CADM1: variants seen among roughly 807,000 people sequenced by gnomAD.
CADM1 encodes cell adhesion molecule 1, also known as TSLC-1.
A neutral mutation model predicts 53.1 loss-of-function variants in CADM1; 15 were observed. That is an observed-to-expected ratio of 0.28 (90% CI 0.19 to 0.44). The LOEUF (loss-of-function observed/expected upper bound fraction) is 0.44. Ranked by LOEUF, CADM1 falls within the 20% of genes least tolerant of loss-of-function variation. The probability of loss-of-function intolerance (pLI) is 1.00; values close to 1 mark genes in which losing one functional copy is unlikely to be tolerated. For synonymous variants in CADM1, 281 were observed against 243.0 expected (o/e 1.16, Z -1.45); for missense variants, 434 against 611.3 (o/e 0.71, Z 3.06).
chr11:115,367,977 A>G (rs989073910), intron 1 of CADM1, among the ~76,000 whole-genome samples: 6 of 152,022 alleles, frequency 3.9e-5, no homozygotes, highest in Non-Finnish European at 8.8e-5. Context: ...TCCTTCATTT[A>G]GTTGTAGGCA....
chr11:115,345,719 T>C (rs1375211605), intron 1 of CADM1, among the ~76,000 whole-genome samples: 1 of 152,162 alleles, frequency 6.6e-6, no homozygotes, highest in Non-Finnish European at 1.5e-5. Flanking sequence ...ATTTGTTTTC[T>C]GAGAAGCACT....
chr11:115,175,425 A>G lies in CADM1; in HGVS notation c.*1049T>C, dbSNP rs761316780. The G allele has an allele frequency of 5.4e-5, 53 of 985,570 alleles. No homozygotes were observed. The highest frequency in any genetic ancestry group is 4.3e-4 in the Admixed American group (7 of 16,258). 61.1% of individuals were successfully genotyped at this position (985,570 alleles called of 1,614,324 possible). ...TCCCATTCAGTCATTCGCACAACAG[A>G]CGAACTTGCTTTTTCCTACAAATTA... On this transcript the variant is annotated 3_prime_UTR_variant, in exon 12 of 12. Coordinates refer to ENST00000331581, the MANE Select transcript of CADM1 (RefSeq NM_001301043.2).
intron 1 of CADM1, among the ~76,000 whole-genome samples, chr11:115,396,500 A>C (rs895622206): frequency 2.6e-5 from 4 of 152,172 alleles, no homozygotes; most frequent in African/African-American, 9.7e-5. Context: ...TCAACAAGTC[A>C]CCACTTAACT....
chr11:115,303,064 T>C (rs1421912128), intron 1 of CADM1, among the ~76,000 whole-genome samples: 2 of 152,092 alleles, frequency 1.3e-5, no homozygotes, highest in Non-Finnish European at 2.9e-5. Context: ...TGGGCTGGAT[T>C]CTACCTCATC....
At chr11:115,350,343 G>A (rs544030500) in intron 1 of CADM1, among the ~76,000 whole-genome samples, 6 of 152,272 alleles carry the variant, frequency 3.9e-5, no homozygotes, top group Admixed American at 3.9e-4. Context: ...TTGGTCAAAA[G>A]GGTGATTCAG....
intron 1 of CADM1, among the ~76,000 whole-genome samples, chr11:115,388,962 T>G (rs1335185608): frequency 6.6e-6 from 1 of 152,166 alleles, no homozygotes; most frequent in Non-Finnish European, 1.5e-5. Flanking sequence ...ATGTCAATGT[T>G]AAATTTCCTG....
intron 1 of CADM1, chr11:115,399,640 T>C (rs943702092): frequency 5.9e-5 from 9 of 152,194 alleles, no homozygotes; most frequent in African/African-American, 2.2e-4. Context: ...CACCATAGTA[T>C]AAAAAGAGCT....
At chr11:115,332,023 A>G (rs1945143575) in intron 1 of CADM1, among the ~76,000 whole-genome samples, 1 of 152,142 alleles carries the variant, frequency 6.6e-6, no homozygotes, top group South Asian at 2.1e-4. Flanking sequence ...CAGGTGCCTG[A>G]GCGTAACAGT....
At chr11:115,364,566 A>AAAT (rs1946110570) in intron 1 of CADM1, among the ~76,000 whole-genome samples, 1 of 150,842 alleles carries the variant, frequency 6.6e-6, no homozygotes. Context: ...GAAAAAAAAA[A>AAAT]GCCTTTTTGT....
At chr11:115,319,964 T>C (rs1038645624) in intron 1 of CADM1, among the ~76,000 whole-genome samples, 5 of 152,214 alleles carry the variant, frequency 3.3e-5, no homozygotes, top group African/African-American at 1.2e-4. Flanking sequence ...AGTGTATTTT[T>C]ATTAAACAGA....
Position 115,174,906 on chromosome 11 carries a change from CT to C in CADM1, c.*1567del. On this transcript the variant is annotated 3_prime_UTR_variant, in exon 12 of 12. Transcript: ENST00000331581. ...CGTTTCAGTGAAAATCCCCACACTT[CT>C]TTCTTTAAAACATGTAAATGGTAAC... 1 of 985,724 alleles carries C rather than the reference CT, an allele frequency of 1.0e-6. No homozygotes were observed. Among genetic ancestry groups the C allele is most frequent in the Non-Finnish European group, 1.2e-6 (1 of 829,884 alleles). The allele number at this position is 985,724 out of a possible 1,614,324, so 61.1% of individuals were successfully genotyped here. A position where few individuals can be genotyped will look rare whatever the true frequency, so the allele number is the denominator to read the frequency against.
intron 1 of CADM1, among the ~76,000 whole-genome samples, chr11:115,489,518 T>C (rs745733623): frequency 6.6e-5 from 10 of 152,218 alleles, no homozygotes; most frequent in Non-Finnish European, 1.5e-4. Context: ...TGACAGAAGT[T>C]GAAAGGAAAA....
In CADM1 at chr11:115,490,294, CTA is replaced by C. The variant is rs373615039; in HGVS notation, c.124+13975_124+13976del. On this transcript the variant is annotated intron_variant, in intron 1 of 11. Transcript: ENST00000331581. ...AGATGATAACAAAGGAGGGAATTCT[CTA>C]TGAGGACTCCCAGGTTTATTTAACT... Among the ~76,000 whole-genome samples the C allele has an allele frequency of 2.2e-4, 33 of 151,352 alleles. No homozygotes were observed. In the East Asian group the frequency reaches 6.2e-3, roughly 29 times the overall value.
intron 1 of CADM1, among the ~76,000 whole-genome samples, chr11:115,350,901 T>C (rs1945716403): frequency 6.6e-6 from 1 of 150,864 alleles, no homozygotes; most frequent in African/African-American, 2.4e-5. Flanking sequence ...ATTATTTCAC[T>C]TGCCGCATTC....
Position 115,172,635 on chromosome 11 carries a change from G to A in CADM1, c.*3839C>T, listed in dbSNP as rs45486791. On this transcript the variant is annotated 3_prime_UTR_variant, in exon 12 of 12. Transcript: ENST00000331581. ...CAAGTTTTCAGGTGATGTAACTGAT[G>A]CTCTACTTGGCCTCCAGAGACCGCC... 7.1e-3 allele frequency: 1,073 copies of A among 151,408 alleles called. 8 individuals carry two copies. The highest frequency in any genetic ancestry group is 9.8e-3 in the Non-Finnish European group (665 of 68,052). The allele number at this position is 151,408 out of a possible 1,614,324, so 9.4% of individuals were successfully genotyped here. A position where few individuals can be genotyped will look rare whatever the true frequency, so the allele number is the denominator to read the frequency against.
chr11:115,486,696 A>C (rs1020022956), intron 1 of CADM1, among the ~76,000 whole-genome samples: 2 of 152,092 alleles, frequency 1.3e-5, no homozygotes, highest in African/African-American at 4.8e-5. Flanking sequence ...TCTGGCCCCA[A>C]ACTATCTGTT....
chr11:115,385,578 CT>C (rs1285658601), intron 1 of CADM1, among the ~76,000 whole-genome samples: 1 of 147,680 alleles, frequency 6.8e-6, no homozygotes, highest in African/African-American at 2.5e-5. Flanking sequence ...CAAAGTCTGT[CT>C]AATAAGAAGT....
intron 1 of CADM1, among the ~76,000 whole-genome samples, chr11:115,404,855 A>C (rs1947274285): frequency 6.6e-6 from 1 of 151,426 alleles, no homozygotes; most frequent in Admixed American, 6.6e-5. Context: ...AAAAAAAAAA[A>C]AAAAAAAAAG....
intron 1 of CADM1, among the ~76,000 whole-genome samples, chr11:115,354,837 G>A (rs1253809384): frequency 6.6e-6 from 1 of 152,024 alleles, no homozygotes; most frequent in Non-Finnish European, 1.5e-5. Context: ...ATTAAAAAAG[G>A]ACTCTCAACA....
Sources: gnomAD v4.1 joint callset for allele counts (sites outside exome capture counted in the v4.1 genomes callset) on GRCh38, gnomAD v4.1.1 for gene constraint, MANE v1.5 for transcripts, NCBI Gene and HGNC (gene_info 2026-07-23, HGNC 2026-07-21) for gene names.